TBC1D1: variants seen among roughly 807,000 people sequenced by gnomAD.
TBC1D1 encodes TBC1 domain family member 1, also known as TBC1 (tre-2/USP6, BUB2, cdc16) domain family, member 1.
TBC1D1 carries 89 observed loss-of-function variants against 125.6 expected under a neutral mutation model. The observed-to-expected ratio is 0.71, with a 90% confidence interval of 0.60 to 0.85. The LOEUF (loss-of-function observed/expected upper bound fraction) is 0.85. TBC1D1 is among the 40% of genes least tolerant of loss of function. The probability of loss-of-function intolerance (pLI) is 0.00; values close to 1 mark genes in which losing one functional copy is unlikely to be tolerated. For missense variants in TBC1D1, 1,377 were observed against 1,469.2 expected (o/e 0.94, Z 1.03); for synonymous variants, 565 against 564.1 (o/e 1.00, Z -0.02).
chr4:37,926,200 G>A (rs1722078908), intron 2 of TBC1D1, among the ~76,000 whole-genome samples: 1 of 152,166 alleles, frequency 6.6e-6, no homozygotes, highest in Admixed American at 6.5e-5. Context: ...GTCTGAACTC[G>A]AATGCCAGAG....
intron 1 of TBC1D1, among the ~76,000 whole-genome samples, chr4:37,893,411 C>T (rs918834548): frequency 6.6e-6 from 1 of 152,170 alleles, no homozygotes; most frequent in South Asian, 2.1e-4. Flanking sequence ...TCCAGTCTAC[C>T]GTGCTGCCCT....
intron 2 of TBC1D1, among the ~76,000 whole-genome samples, chr4:37,991,451 A>G (rs766507513): frequency 3.3e-5 from 5 of 152,086 alleles, no homozygotes; most frequent in Admixed American, 6.5e-5. Flanking sequence ...GCCTGTCACT[A>G]TGGGGCAGAG....
Position 37,902,017 on chromosome 4 carries a change from A to G in TBC1D1, c.-79A>G. 2.8e-6 allele frequency: 4 copies of G among 1,403,566 alleles called. No individual in the cohort carries two copies. The highest frequency in any genetic ancestry group is 3.9e-6 in the Non-Finnish European group (4 of 1,036,892). The allele number at this position is 1,403,566 out of a possible 1,614,324, so 86.9% of individuals were successfully genotyped here. On this transcript the variant is annotated 5_prime_UTR_variant, in exon 2 of 20. Coordinates refer to ENST00000261439, the MANE Select transcript of TBC1D1 (RefSeq NM_015173.4). ...TTCTCCCCCAGGTTTCTGCATATGAAGTGTGTAAAATAGATTGCTTGATCC... is the reference window on the plus strand; with the variant it reads ...TTCTCCCCCAGGTTTCTGCATATGAGGTGTGTAAAATAGATTGCTTGATCC...
chr4:38,133,031 C>A (rs1318749691), intron 18 of TBC1D1, 53 bp from the exon 21 acceptor site: 2 of 1,547,728 alleles, frequency 1.3e-6, no homozygotes, highest in Non-Finnish European at 1.8e-6. Flanking sequence ...CCTGCCTGTA[C>A]TTGTGGGGTT....
At position 37,977,985 on chromosome 4, in the gene TBC1D1, G is replaced by A. The variant is rs146177540; in HGVS notation, c.418-36524G>A. On this transcript the variant is annotated intron_variant, in intron 2 of 19. Coordinates refer to ENST00000261439, the MANE Select transcript of TBC1D1 (RefSeq NM_015173.4). This position sits in a 1 kb window ranked among gnomAD's most constrained non-coding sequence, Gnocchi z 4.3. Reference sequence around the variant, plus strand: ...CTGGACAGGGCGCCGAGGATGCCCAGAGGCTGGTGCCCACAAGGGGCGTCT... The same window carrying A: ...CTGGACAGGGCGCCGAGGATGCCCAAAGGCTGGTGCCCACAAGGGGCGTCT... Among the ~76,000 whole-genome samples, 122 of 152,336 alleles carry A rather than the reference G, an allele frequency of 8.0e-4. 3 individuals are homozygous for A. In the East Asian group the frequency reaches 0.022, roughly 27 times the overall value.
At chr4:38,006,995 A>G (rs761628497) in intron 2 of TBC1D1, 2 of 422,844 alleles carry the variant, frequency 4.7e-6, no homozygotes, top group Non-Finnish European at 9.5e-6. Flanking sequence ...GTGGTTCACT[A>G]AACAGTGTCA....
At chr4:37,956,385 C>T (rs1030162449) in intron 2 of TBC1D1, among the ~76,000 whole-genome samples, 3 of 152,156 alleles carry the variant, frequency 2.0e-5, no homozygotes, top group Non-Finnish European at 4.4e-5. Flanking sequence ...TCTCTTTTCA[C>T]TAGGATGTAA....
intron 11 of TBC1D1, 100 bp from the exon 12 acceptor site, chr4:38,051,799 G>A (rs766416984): frequency 1.2e-5 from 14 of 1,180,496 alleles, no homozygotes; most frequent in African/African-American, 1.5e-5. Flanking sequence ...CTGGAACAAC[G>A]AGACAAAAGC....
At chr4:38,012,517 C>T (rs62298554) in intron 2 of TBC1D1, among the ~76,000 whole-genome samples, 35,026 of 152,138 alleles carry the variant, frequency 0.23, 4,158 homozygotes, top group Middle Eastern at 0.29. Flanking sequence ...TCAAGCAATC[C>T]GCCTGCCTTG....
chr4:37,928,056 A>C (rs997712344), intron 2 of TBC1D1, among the ~76,000 whole-genome samples: 11 of 152,206 alleles, frequency 7.2e-5, no homozygotes, highest in African/African-American at 2.7e-4. Flanking sequence ...TGGGAAAAGC[A>C]CCGAATCTCT....
At chr4:38,033,322 G>T (rs1210713216) in intron 7 of TBC1D1, among the ~76,000 whole-genome samples, 1 of 151,930 alleles carries the variant, frequency 6.6e-6, no homozygotes, top group East Asian at 1.9e-4. Context: ...ACCATCAGGC[G>T]CCTGTACCTG....
rs1379680818 is a variant in TBC1D1, at chr4:38,107,582, T to TG, written c.2557+4425_2557+4426insG. On this transcript the variant is annotated intron_variant, in intron 15 of 19. Transcript: ENST00000261439. ...TTGGCTTTTAGTCTAAACAGGTTTT[T>TG]TTTTTTTTTTTTTTTTTTTGGCAAT... Among the ~76,000 whole-genome samples the TG allele has an allele frequency of 6.4e-5, 9 of 140,998 alleles. No individual in the cohort carries two copies. In the East Asian group the frequency reaches 2.1e-3, roughly 33 times the overall value. The allele number at this position is 140,998 out of a possible 152,430, so 92.5% of individuals were successfully genotyped here. A position where few individuals can be genotyped will look rare whatever the true frequency, so the allele number is the denominator to read the frequency against.
At chr4:37,957,078 C>T (rs771996379) in intron 2 of TBC1D1, among the ~76,000 whole-genome samples, 36 of 152,072 alleles carry the variant, frequency 2.4e-4, no homozygotes, top group Non-Finnish European at 4.0e-4. Context: ...CCTCCCCTTA[C>T]AGGAAGGATC....
rs1246402585 is a variant in TBC1D1 at position 38,052,726 on chromosome 4, G to GCACACA, written c.1911-1472_1911-1471insACACAC. 1.6e-3 allele frequency among the ~76,000 whole-genome samples: 109 copies of GCACACA among 69,000 alleles called. 1 individual carries two copies. The highest frequency in any genetic ancestry group is 6.7e-3 in the East Asian group (15 of 2,242). The allele number at this position is 69,000 out of a possible 152,430, so 45.3% of individuals were successfully genotyped here. A position where few individuals can be genotyped will look rare whatever the true frequency, so the allele number is the denominator to read the frequency against. Reference sequence around the variant, plus strand: ...TATACACACACACGCGCGCGCGCGCGCGCACACACACACACACACACACAC... The same window carrying GCACACA: ...TATACACACACACGCGCGCGCGCGCGCACACACGCACACACACACACACACACACAC... On this transcript the variant is annotated intron_variant, in intron 11 of 19. Coordinates refer to ENST00000261439, the MANE Select transcript of TBC1D1 (RefSeq NM_015173.4).
intron 2 of TBC1D1, among the ~76,000 whole-genome samples, chr4:37,907,286 A>C (rs915616004): frequency 6.6e-6 from 1 of 152,232 alleles, no homozygotes; most frequent in African/African-American, 2.4e-5. Flanking sequence ...CAACTCGACA[A>C]GTGGTAGTTT....
Position 38,112,466 on chromosome 4 carries a change from C to A in TBC1D1, c.2558-3244C>A, listed in dbSNP as rs534861228. Among the ~76,000 whole-genome samples the A allele has an allele frequency of 3.9e-5, 6 of 152,248 alleles. No homozygotes were observed. In the Middle Eastern group the frequency reaches 0.01, roughly 259 times the overall value. ...TGTGTGGTCTATCCGAAGATTATTG[C>A]CCATTATTGAACACCATTCATAGCA... On this transcript the variant is annotated intron_variant, in intron 15 of 19. Transcript: ENST00000261439.
At chr4:37,943,508 C>A (rs1038701919) in intron 2 of TBC1D1, among the ~76,000 whole-genome samples, 1 of 152,190 alleles carries the variant, frequency 6.6e-6, no homozygotes, top group African/African-American at 2.4e-5. Context: ...CACATAGTCC[C>A]GTATTTCTTG....
At chr4:37,964,932 G>C (rs1246627891) in intron 2 of TBC1D1, among the ~76,000 whole-genome samples, 1 of 152,256 alleles carries the variant, frequency 6.6e-6, no homozygotes, top group Non-Finnish European at 1.5e-5. Flanking sequence ...TGTCTGTCTA[G>C]AGAACCTCTC....
intron 2 of TBC1D1, among the ~76,000 whole-genome samples, chr4:37,990,951 G>A (rs994975523): frequency 2.0e-5 from 3 of 151,616 alleles, no homozygotes; most frequent in African/African-American, 7.3e-5. Flanking sequence ...AAATCTGGCC[G>A]CTTCAAGCTC....
Sources: gnomAD v4.1 joint callset for allele counts (sites outside exome capture counted in the v4.1 genomes callset) on GRCh38, gnomAD v4.1.1 for gene constraint, Gnocchi (gnomAD v3.1) non-coding constraint, MANE v1.5 for transcripts, NCBI Gene and HGNC (gene_info 2026-07-23, HGNC 2026-07-21) for gene names.